Variants in RALB observed in about 807,000 individuals in gnomAD.
The protein encoded by RALB is ras-related protein Ral-B.
RALB carries 16 observed loss-of-function variants against 21.3 expected under a neutral mutation model. The observed-to-expected ratio is 0.75, with a 90% CI of 0.51 to 1.14. RALB has a LOEUF of 1.14. Ranked by LOEUF, RALB falls within the 50% of genes most tolerant of loss-of-function variation. The probability of loss-of-function intolerance (pLI) is 0.00; values close to 1 mark genes in which losing one functional copy is unlikely to be tolerated. For synonymous variants in RALB, 93 were observed against 96.1 expected (o/e 0.97, Z 0.19); for missense variants, 161 against 256.2 (o/e 0.63, Z 2.54).
chr2:120,293,049 G>A, intron 4 of RALB, 92 bp from the exon 5 acceptor site: 1 of 1,274,700 alleles, frequency 7.8e-7, no homozygotes, highest in East Asian at 2.7e-5. Context: ...ATCCTTAAAT[G>A]CTGTGTTCAC....
intron 1 of RALB, among the ~76,000 whole-genome samples, chr2:120,264,094 C>CT (rs1689438285): frequency 6.6e-6 from 1 of 151,880 alleles, no homozygotes; most frequent in African/African-American, 2.4e-5. Context: ...GGTGATCCAC[C>CT]TGCCTCAGCC....
intron 2 of RALB, among the ~76,000 whole-genome samples, chr2:120,281,225 C>T (rs79454896): frequency 1.3e-3 from 198 of 152,264 alleles, no homozygotes; most frequent in African/African-American, 3.9e-3. Context: ...CACAGGTGCT[C>T]GGATTCTACA....
At chr2:120,250,746 G>T (rs572243949), upstream of RALB, among the ~76,000 whole-genome samples, 1 of 152,184 alleles carries the variant, frequency 6.6e-6, no homozygotes, top group Non-Finnish European at 1.5e-5. Flanking sequence ...CCTGAGACCT[G>T]GAATGAGCCA....
intron 4 of RALB, among the ~76,000 whole-genome samples, chr2:120,292,270 G>A (rs1230456289): frequency 6.6e-6 from 1 of 152,166 alleles, no homozygotes; most frequent in Non-Finnish European, 1.5e-5. Flanking sequence ...GGGAGGGATA[G>A]GGTGGCCAGA....
chr2:120,264,691 A>G (rs1050671530), intron 1 of RALB, among the ~76,000 whole-genome samples: 1 of 152,124 alleles, frequency 6.6e-6, no homozygotes, highest in Admixed American at 6.5e-5. Flanking sequence ...AGCCATCACC[A>G]CCATCCATCT....
rs1264606086 is a variant in RALB, at chr2:120,294,404, G to T, written c.*1144G>T. 5 of 397,738 alleles carry T rather than the reference G, an allele frequency of 1.3e-5. No individual in the cohort carries two copies. Among genetic ancestry groups the T allele is most frequent in the African/African-American group, 1.0e-4 (5 of 48,744 alleles). The allele number at this position is 397,738 out of a possible 1,614,324, so 24.6% of individuals were successfully genotyped here. A position where few individuals can be genotyped will look rare whatever the true frequency, so the allele number is the denominator to read the frequency against. ...TAAGATAGCCAGATAGTTAGAAAAA[G>T]ATTTTCATTGATGACATATCTTTAA... On this transcript the variant is annotated 3_prime_UTR_variant, in exon 5 of 5. Transcript: ENST00000272519.
At chr2:120,289,479 T>C in intron 3 of RALB, 101 bp from the exon 4 acceptor site, 1 of 1,234,784 alleles carries the variant, frequency 8.1e-7, no homozygotes, top group Non-Finnish European at 1.2e-6. Flanking sequence ...TTTTTTTTTT[T>C]CCTTCTGCCT....
chr2:120,282,012 A>G (rs1690001770), intron 2 of RALB, among the ~76,000 whole-genome samples: 1 of 152,182 alleles, frequency 6.6e-6, no homozygotes, highest in Admixed American at 6.5e-5. Flanking sequence ...TCAGCATCCT[A>G]CATCACACAG....
chr2:120,259,650 C>G (rs190897318), intron 1 of RALB, among the ~76,000 whole-genome samples: 1,568 of 152,380 alleles, frequency 0.01, 14 homozygotes, highest in South Asian at 0.039. Flanking sequence ...TAAAGACTCT[C>G]CACGTCCCCA....
At chr2:120,289,540 T>C in intron 3 of RALB, 40 bp from the exon 4 acceptor site, 1 of 1,592,466 alleles carries the variant, frequency 6.3e-7, no homozygotes, top group Non-Finnish European at 8.6e-7. Flanking sequence ...GTTCGTTCTT[T>C]AGTTTTTTTA....
chr2:120,265,467 T>C (rs904533390), intron 1 of RALB, among the ~76,000 whole-genome samples: 1 of 152,288 alleles, frequency 6.6e-6, no homozygotes, highest in African/African-American at 2.4e-5. Context: ...ATTTTTGTTG[T>C]ATATTTTCTC....
chr2:120,245,569 C>T (rs1394871267), intron 1 of RALB, among the ~76,000 whole-genome samples: 1 of 152,208 alleles, frequency 6.6e-6, no homozygotes, highest in Non-Finnish European at 1.5e-5. Context: ...AATCGGACCT[C>T]CTGCTAGTTG....
upstream of RALB, among the ~76,000 whole-genome samples, chr2:120,250,474 G>A (rs1189417837): frequency 1.3e-5 from 2 of 152,216 alleles, no homozygotes; most frequent in African/African-American, 4.8e-5. Context: ...TAGTCACATG[G>A]CTCCACCCAA....
chr2:120,268,211 G>A (rs1689553462), intron 1 of RALB, among the ~76,000 whole-genome samples: 1 of 152,222 alleles, frequency 6.6e-6, no homozygotes. Flanking sequence ...AAGGAAGAGA[G>A]ACAGAGCCAG....
At chr2:120,244,722 A>G (rs1363657525) in intron 1 of RALB, among the ~76,000 whole-genome samples, 3 of 152,224 alleles carry the variant, frequency 2.0e-5, no homozygotes, top group Non-Finnish European at 4.4e-5. Context: ...ACTTTGATGT[A>G]TAACACCCCA....
intron 1 of RALB, among the ~76,000 whole-genome samples, chr2:120,247,700 C>T (rs932107808): frequency 6.6e-6 from 1 of 152,196 alleles, no homozygotes; most frequent in African/African-American, 2.4e-5. Context: ...TTGGTAGCTG[C>T]CTGCAAAAGG....
intron 1 of RALB, among the ~76,000 whole-genome samples, chr2:120,270,247 C>T (rs1689628489): frequency 6.6e-6 from 1 of 152,066 alleles, no homozygotes; most frequent in South Asian, 2.1e-4. Flanking sequence ...TTAAACATTT[C>T]TTACCATATT....
At chr2:120,259,797 A>G (rs1558947520) in intron 1 of RALB, among the ~76,000 whole-genome samples, 3 of 152,198 alleles carry the variant, frequency 2.0e-5, no homozygotes, top group Non-Finnish European at 2.9e-5. Flanking sequence ...GCCGTGGAGC[A>G]GGGGGTGGCG....
At chr2:120,287,739 G>A (rs1690202093) in intron 3 of RALB, among the ~76,000 whole-genome samples, 1 of 152,230 alleles carries the variant, frequency 6.6e-6, no homozygotes, top group Non-Finnish European at 1.5e-5. Context: ...CCTCAATGTG[G>A]AAAAGGGTTT....
Sources: gnomAD v4.1 joint callset for allele counts (sites outside exome capture counted in the v4.1 genomes callset) on GRCh38, gnomAD v4.1.1 for gene constraint, MANE v1.5 for transcripts, NCBI Gene and HGNC (gene_info 2026-07-23, HGNC 2026-07-21) for gene names.